EML6: variants seen among roughly 807,000 people sequenced by gnomAD.
EML6 encodes EMAP like 6.
In EML6, 154 loss-of-function variants were observed where a neutral mutation model predicts 240.1. That is an observed-to-expected ratio of 0.64 (90% CI 0.56 to 0.73). The LOEUF is 0.73. EML6 is among the 30% of genes least tolerant of loss of function. EML6 has a pLI of 0.00. For synonymous variants in EML6, 1,148 were observed against 899.0 expected (o/e 1.28, Z -4.95); for missense variants, 2,964 against 2,474.6 (o/e 1.20, Z -4.20).
At chr2:54,922,289 C>G (rs934510656) in intron 26 of EML6, among the ~76,000 whole-genome samples, 26 of 152,230 alleles carry the variant, frequency 1.7e-4, no homozygotes, top group African/African-American at 6.0e-4. Context: ...AAATGGCCAA[C>G]AGGTATGTGA....
intron 9 of EML6, among the ~76,000 whole-genome samples, chr2:54,848,843 T>C (rs1669917384): frequency 6.6e-6 from 1 of 152,178 alleles, no homozygotes; most frequent in African/African-American, 2.4e-5. Flanking sequence ...ACTCACTGTA[T>C]TCATGACAGT....
chr2:54,968,187 A>C lies in EML6; in HGVS notation c.5657A>C (p.Asn1886Thr), dbSNP rs899131805. 3.9e-6 allele frequency: 6 copies of C among 1,551,584 alleles called. No individual in the cohort carries two copies. In the African/African-American group the frequency reaches 4.1e-5, roughly 11 times the overall value. ...WPRNADKADV[N>T]CACVTHAGLN... ...CGAAATGCAGACAAGGCTGATGTCA[A>C]CTGCGCATGTGTGACCCACGCTGGC... is the stretch of plus-strand genomic sequence containing the variant. The change falls in exon 40 of 42, where the codon AAC becomes ACC. Residue 1886 changes from asparagine to threonine, a missense_variant. Asn to Thr is a moderately conservative substitution (Grantham distance 65). Transcript: ENST00000356458.
At chr2:54,823,888 C>CTCTCTG (rs1572955862) in intron 5 of EML6, among the ~76,000 whole-genome samples, 1 of 150,776 alleles carries the variant, frequency 6.6e-6, no homozygotes, top group Non-Finnish European at 1.5e-5. Context: ...TTCTGTCTCT[C>CTCTCTG]TCTCTCTCTC....
rs992397757 is a variant in EML6, at chr2:54,777,013, G to A, written c.198-36219G>A. ...GTCTACTTTGTTGTTATTTTATTCCGTTTCATTAGGGTCTCTTTTTATTCT... is the reference window on the plus strand; with the variant it reads ...GTCTACTTTGTTGTTATTTTATTCCATTTCATTAGGGTCTCTTTTTATTCT... On this transcript the variant is annotated intron_variant, in intron 2 of 41. Transcript: ENST00000356458. Among the ~76,000 whole-genome samples, 10 of 151,972 alleles carry A rather than the reference G, an allele frequency of 6.6e-5. No homozygotes were observed. The South Asian group carries it at 8.3e-4, about 13-fold the overall frequency.
At chr2:54,913,077 T>TTG (rs1553414109) in intron 25 of EML6, among the ~76,000 whole-genome samples, 1 of 151,476 alleles carries the variant, frequency 6.6e-6, no homozygotes, top group East Asian at 1.9e-4. Flanking sequence ...TTCTGTTTTT[T>TTG]TTTTTTTTTT....
At chr2:54,750,948 G>A (rs752337787) in intron 2 of EML6, among the ~76,000 whole-genome samples, 5 of 152,110 alleles carry the variant, frequency 3.3e-5, no homozygotes, top group African/African-American at 4.8e-5. Context: ...GGGGAGAAGA[G>A]TTATTACCAG....
chr2:54,823,738 G>C (rs934554802), intron 5 of EML6, among the ~76,000 whole-genome samples: 1 of 152,054 alleles, frequency 6.6e-6, no homozygotes, highest in Non-Finnish European at 1.5e-5. Flanking sequence ...AAGAAACCCA[G>C]GACCCTAGGG....
At chr2:54,835,283 G>GGT (rs1325215246) in intron 7 of EML6, among the ~76,000 whole-genome samples, 2 of 152,162 alleles carry the variant, frequency 1.3e-5, no homozygotes, top group Non-Finnish European at 2.9e-5. Context: ...TTTCCACAAA[G>GGT]GTAGGGATCT....
chr2:54,859,018 C>G (rs1670535734), intron 11 of EML6, among the ~76,000 whole-genome samples: 1 of 152,192 alleles, frequency 6.6e-6, no homozygotes, highest in South Asian at 2.1e-4. Flanking sequence ...AGTTCAACCA[C>G]AAATATCACT....
At chr2:54,847,754 T>A in intron 9 of EML6, 131 bp downstream of exon 9, 1 of 926,760 alleles carries the variant, frequency 1.1e-6, no homozygotes, top group South Asian at 1.8e-5. Context: ...ACTATAGATC[T>A]ACGATCCCCT....
At position 54,956,337 on chromosome 2, in the gene EML6, G is replaced by GC. The variant is rs971542734; in HGVS notation, c.4487-1451dup. 3.1e-4 allele frequency among the ~76,000 whole-genome samples: 47 copies of GC among 150,970 alleles called. 1 individual carries two copies. The highest frequency in any genetic ancestry group is 1.1e-3 in the African/African-American group (47 of 40,940). ...GCTGGAATCTCTTTCCATCTCATTGGCCACTTGTATTGGCTGCTTTTGTAA... is the reference window on the plus strand; with the variant it reads ...GCTGGAATCTCTTTCCATCTCATTGGCCCACTTGTATTGGCTGCTTTTGTAA... On this transcript the variant is annotated intron_variant, in intron 32 of 41. Transcript: ENST00000356458.
intron 2 of EML6, among the ~76,000 whole-genome samples, chr2:54,775,405 T>G (rs1257418595): frequency 6.6e-6 from 1 of 152,146 alleles, no homozygotes; most frequent in Non-Finnish European, 1.5e-5. Context: ...ACTTGTTCTT[T>G]CCCGTGCCTG....
rs560348531 is a variant in EML6 at position 54,931,238 on chromosome 2, T to A, written c.4004+2487T>A. On this transcript the variant is annotated intron_variant, in intron 28 of 41. Coordinates refer to ENST00000356458, the MANE Select transcript of EML6 (RefSeq NM_001039753.4). The stretch of plus-strand genomic sequence containing the variant: ...TCCCAAAGTGCTGGGATTACAGGCG[T>A]GAGCCACCGCGCCCGGCGACCGTAG... Among the ~76,000 whole-genome samples, 26 of 151,982 alleles carry A rather than the reference T, an allele frequency of 1.7e-4. 1 individual carries two copies. The East Asian group carries it at 4.9e-3, about 28-fold the overall frequency.
chr2:54,832,206 G>T (rs1282335924), intron 7 of EML6, among the ~76,000 whole-genome samples: 2 of 152,202 alleles, frequency 1.3e-5, no homozygotes, highest in African/African-American at 4.8e-5. Context: ...ACTAAAGTCT[G>T]GCCCACCCAT....
chr2:54,772,861 A>G (rs1156347327), intron 2 of EML6, among the ~76,000 whole-genome samples: 1 of 152,262 alleles, frequency 6.6e-6, no homozygotes, highest in Non-Finnish European at 1.5e-5. Flanking sequence ...ACATTGTCAG[A>G]GTCCACGTGT....
chr2:54,776,626 A>C (rs1468814659), intron 2 of EML6, among the ~76,000 whole-genome samples: 1 of 152,124 alleles, frequency 6.6e-6, no homozygotes, highest in Non-Finnish European at 1.5e-5. Context: ...GGGGATCATT[A>C]GAAGCCCCAA....
At chr2:54,760,655 AT>A (rs1255737515) in intron 2 of EML6, among the ~76,000 whole-genome samples, 1 of 152,060 alleles carries the variant, frequency 6.6e-6, no homozygotes, top group African/African-American at 2.4e-5. Flanking sequence ...ATGTAATTTT[AT>A]CTGGGTTTTC....
intron 8 of EML6, 88 bp from the exon 9 acceptor site, chr2:54,847,398 G>A (rs1190547249): frequency 7.4e-7 from 1 of 1,359,248 alleles, no homozygotes; most frequent in African/African-American, 1.4e-5. Flanking sequence ...GTTACTGTTG[G>A]TGTGGTGAGC....
At chr2:54,857,502 C>G (rs1426275015) in intron 11 of EML6, among the ~76,000 whole-genome samples, 2 of 152,194 alleles carry the variant, frequency 1.3e-5, no homozygotes, top group Non-Finnish European at 2.9e-5. Flanking sequence ...AAGCACAAAT[C>G]CCTGCCCTCG....
Sources: allele counts gnomAD v4.1 joint callset (sites outside exome capture counted in the v4.1 genomes callset), GRCh38; gene constraint gnomAD v4.1.1; transcripts MANE v1.5; gene names NCBI Gene and HGNC (gene_info 2026-07-23, HGNC 2026-07-21).